The following ADAMTSL3 variants were observed in gnomAD, a reference collection of about 807,000 sequenced individuals.
ADAMTSL3 encodes ADAMTS-like protein 3.
Under a neutral mutation model 201.7 loss-of-function variants are expected in ADAMTSL3, and 128 were observed. The observed-to-expected ratio is 0.63, with a 90% confidence interval of 0.55 to 0.73. The LOEUF (loss-of-function observed/expected upper bound fraction) is 0.73, where lower values mean the gene tolerates loss of function less well. Ranked by LOEUF, ADAMTSL3 falls within the 30% of genes least tolerant of loss-of-function variation. ADAMTSL3 has a pLI of 0.00. For missense variants in ADAMTSL3, 1,990 were observed against 2,119.6 expected (o/e 0.94, Z 1.20); for synonymous variants, 738 against 748.4 (o/e 0.99, Z 0.23).
intron 6 of ADAMTSL3, 45 bp downstream of exon 6, chr15:83,820,092 C>T (rs748128407): frequency 1.8e-5 from 26 of 1,485,498 alleles, no homozygotes; most frequent in Middle Eastern, 1.7e-4. Context: ...GGATGTGCCA[C>T]GCCTACTGTC....
intron 2 of ADAMTSL3, among the ~76,000 whole-genome samples, chr15:83,662,705 A>G (rs2061191799): frequency 6.6e-6 from 1 of 151,998 alleles, no homozygotes; most frequent in Non-Finnish European, 1.5e-5. Flanking sequence ...CAGGTACCTG[A>G]AGTTGCACAG....
chr15:83,876,760 T>A (rs1363112218), intron 9 of ADAMTSL3, among the ~76,000 whole-genome samples: 1 of 152,120 alleles, frequency 6.6e-6, no homozygotes, highest in Non-Finnish European at 1.5e-5. Flanking sequence ...GCCTTCCAAG[T>A]AGTTGAGACT....
intron 5 of ADAMTSL3, 57 bp downstream of exon 5, chr15:83,804,752 C>A (rs999929280): frequency 2.3e-6 from 3 of 1,332,184 alleles, no homozygotes; most frequent in African/African-American, 3.0e-5. Context: ...TTTTAAGTTA[C>A]AATATTCCAA....
intron 27 of ADAMTSL3, among the ~76,000 whole-genome samples, chr15:84,026,090 T>C (rs936963733): frequency 3.9e-5 from 6 of 152,162 alleles, no homozygotes; most frequent in African/African-American, 9.7e-5. Flanking sequence ...AAAAAAGTAT[T>C]GGAGGTATAG....
In ADAMTSL3 at chr15:84,036,985, A is replaced by G; in HGVS notation, c.4967A>G (p.Asp1656Gly). 1 of 1,613,872 alleles carries G rather than the reference A, an allele frequency of 6.2e-7. No homozygotes were observed. The highest frequency in any genetic ancestry group is 1.6e-4 in the Middle Eastern group (1 of 6,062). ...SWRHCLGPSC[D>G]RDCTDTTHYC... is the part of the protein sequence containing the mutation. ...CGGCACTGTCTTGGGCCCTCCTGTGATAGTACGTACACCTCCCAGGTATCT... is the reference window on the plus strand; with the variant it reads ...CGGCACTGTCTTGGGCCCTCCTGTGGTAGTACGTACACCTCCCAGGTATCT... The change falls in exon 29 of 30, where the codon GAT (aspartate) becomes GGT (glycine). Residue 1656 changes from aspartate to glycine, a missense_variant and splice_region_variant. Coordinates refer to ENST00000286744, the MANE Select transcript of ADAMTSL3 (RefSeq NM_207517.3).
intron 3 of ADAMTSL3, among the ~76,000 whole-genome samples, chr15:83,725,447 G>A (rs569850472): frequency 6.6e-6 from 1 of 152,028 alleles, no homozygotes; most frequent in Non-Finnish European, 1.5e-5. Flanking sequence ...GCACTTGTCG[G>A]GTATTACTCA....
chr15:83,781,126 G>A lies in ADAMTSL3; in HGVS notation c.317+7476G>A, dbSNP rs1452238379. Reference sequence around the variant, plus strand: ...AAAAAAACTATTTTAACATCCATATGGAACCAAAAAACAGCCTGAATAGCC... The same window carrying A: ...AAAAAAACTATTTTAACATCCATATAGAACCAAAAAACAGCCTGAATAGCC... On this transcript the variant is annotated intron_variant, in intron 4 of 29. Coordinates refer to ENST00000286744, the MANE Select transcript of ADAMTSL3 (RefSeq NM_207517.3). 3.3e-5 allele frequency among the ~76,000 whole-genome samples: 5 copies of A among 152,204 alleles called. No homozygotes were observed. The East Asian group carries it at 9.6e-4, about 29-fold the overall frequency.
At chr15:84,015,159 T>A (rs971498575) in intron 24 of ADAMTSL3, among the ~76,000 whole-genome samples, 1 of 152,150 alleles carries the variant, frequency 6.6e-6, no homozygotes, top group Non-Finnish European at 1.5e-5. Context: ...TTGGCCAGGA[T>A]GGTCTCAATC....
intron 2 of ADAMTSL3, among the ~76,000 whole-genome samples, chr15:83,667,424 T>C (rs908596690): frequency 6.6e-6 from 1 of 151,804 alleles, no homozygotes; most frequent in African/African-American, 2.4e-5. Context: ...GTTCCTTCTC[T>C]CAAAACTTTG....
intron 4 of ADAMTSL3, among the ~76,000 whole-genome samples, chr15:83,801,030 C>CA (rs1371056503): frequency 6.6e-6 from 1 of 152,120 alleles, no homozygotes; most frequent in Non-Finnish European, 1.5e-5. Flanking sequence ...TTCTCCACAC[C>CA]AGTACATTTT....
At chr15:83,712,849 G>A (rs1200194763) in intron 3 of ADAMTSL3, among the ~76,000 whole-genome samples, 2 of 152,142 alleles carry the variant, frequency 1.3e-5, no homozygotes, top group East Asian at 3.9e-4. Flanking sequence ...CATTCCAAGT[G>A]TCCAAACTGG....
chr15:83,859,475 A>C (rs1341791798), intron 8 of ADAMTSL3, among the ~76,000 whole-genome samples: 1 of 152,206 alleles, frequency 6.6e-6, no homozygotes, highest in Non-Finnish European at 1.5e-5. Flanking sequence ...AGATTTCCTG[A>C]AAAACTACCC....
chr15:84,018,177 G>A (rs2068122105), intron 25 of ADAMTSL3, among the ~76,000 whole-genome samples: 1 of 152,108 alleles, frequency 6.6e-6, no homozygotes, highest in South Asian at 2.1e-4. Flanking sequence ...TGGTTTATTG[G>A]GACTACTTGC....
intron 6 of ADAMTSL3, among the ~76,000 whole-genome samples, chr15:83,828,862 A>C (rs1032804839): frequency 5.9e-5 from 9 of 152,280 alleles, no homozygotes; most frequent in Admixed American, 1.3e-4. Context: ...AGCCTTGCAT[A>C]GCAGGGATGA....
rs188877449 is a variant in ADAMTSL3, at chr15:83,790,870, G to A, written c.318-13780G>A. The stretch of plus-strand genomic sequence containing the variant: ...TTCTCTTACTAGTGATGAGCACATA[G>A]ATAACAAAATTTAAAAATACAGTGC... On this transcript the variant is annotated intron_variant, in intron 4 of 29. Transcript: ENST00000286744. Among the ~76,000 whole-genome samples, 22 of 152,262 alleles carry A rather than the reference G, an allele frequency of 1.4e-4. No homozygotes were observed. In the East Asian group the frequency reaches 4.2e-3, roughly 29 times the overall value.
rs944871170 is a variant in ADAMTSL3 at position 83,988,692 on chromosome 15, A to G, written c.3718A>G (p.Ile1240Val). Reference protein sequence around the residue: ...DGTLLQPSVKIILDGTGKIQI... With the variant: ...DGTLLQPSVKVILDGTGKIQI... Reference sequence around the variant, plus strand: ...GTCGTCTTTCTAACTGTTCTACAGAATAATTTTGGATGGAACTGGGAAGAT... The same window carrying G: ...GTCGTCTTTCTAACTGTTCTACAGAGTAATTTTGGATGGAACTGGGAAGAT... Residue 1240 changes from isoleucine to valine, a missense_variant and splice_region_variant, in exon 22 of 30, where the codon ATA becomes GTA. By Grantham distance (29) the Ile-to-Val change is conservative. Coordinates refer to ENST00000286744, the MANE Select transcript of ADAMTSL3 (RefSeq NM_207517.3). 6.3e-7 allele frequency: 1 copy of G among 1,597,426 alleles called. No homozygotes were observed. Among genetic ancestry groups the G allele is most frequent in the Non-Finnish European group, 8.5e-7 (1 of 1,170,430 alleles).
intron 26 of ADAMTSL3, among the ~76,000 whole-genome samples, chr15:84,024,125 A>G (rs4842931): frequency 0.84 from 127,620 of 152,016 alleles, 54,017 homozygotes; most frequent in African/African-American, 0.95. Flanking sequence ...CCATGGTGGC[A>G]GGCACCTGTA....
intron 7 of ADAMTSL3, among the ~76,000 whole-genome samples, chr15:83,844,652 A>T (rs984206929): frequency 1.3e-5 from 2 of 152,138 alleles, no homozygotes; most frequent in African/African-American, 4.8e-5. Context: ...TTAATTCAGC[A>T]AGGGAGAGTG....
chr15:83,937,737 T>C (rs1286562419), intron 17 of ADAMTSL3, among the ~76,000 whole-genome samples: 2 of 151,136 alleles, frequency 1.3e-5, no homozygotes, highest in African/African-American at 4.9e-5. Context: ...TATGTATTGA[T>C]TTTGTCTTTT....
Sources: allele counts gnomAD v4.1 joint callset (sites outside exome capture counted in the v4.1 genomes callset), GRCh38; gene constraint gnomAD v4.1.1; transcripts MANE v1.5; gene names NCBI Gene and HGNC (gene_info 2026-07-23, HGNC 2026-07-21).